THAP2: variants seen among roughly 807,000 people sequenced by gnomAD.
The protein encoded by THAP2 is THAP domain-containing protein 2.
Under a neutral mutation model 18.8 loss-of-function variants are expected in THAP2, and 16 were observed. The ratio of observed to expected loss-of-function variants is 0.85; its 90% CI spans 0.58 to 1.29. The LOEUF is 1.29. THAP2 is among the 50% of genes most tolerant of loss of function. The probability of loss-of-function intolerance (pLI) is 0.00; values close to 1 mark genes in which losing one functional copy is unlikely to be tolerated. For synonymous variants in THAP2, 80 were observed against 89.2 expected, an observed-to-expected ratio of 0.90 and a Z score of 0.58; for missense variants, 251 against 265.3, an observed-to-expected ratio of 0.95 and a Z score of 0.38.
intron 1 of THAP2, among the ~76,000 whole-genome samples, chr12:71,668,961 C>T (rs758168149): frequency 1.2e-4 from 18 of 152,326 alleles, no homozygotes; most frequent in Non-Finnish European, 2.4e-4. Context: ...ACATCCAAAA[C>T]ATGATCAAGG....
chr12:71,676,595 G>A, intron 2 of THAP2, 94 bp from the exon 3 acceptor site: 3 of 1,260,604 alleles, frequency 2.4e-6, no homozygotes, highest in Non-Finnish European at 3.2e-6. Context: ...TTTTAAAAGA[G>A]CAGTTTAAAT....
chr12:71,677,530 G>C lies in THAP2; in HGVS notation c.*422G>C, dbSNP rs542525342. 6.6e-6 allele frequency: 1 copy of C among 152,080 alleles called. No homozygotes were observed. The highest frequency in any genetic ancestry group is 2.4e-5 in the African/African-American group (1 of 41,394). 9.4% of individuals were successfully genotyped at this position (152,080 alleles called of 1,614,324 possible). A position where few individuals can be genotyped will look rare whatever the true frequency, so the allele number is the denominator to read the frequency against. On this transcript the variant is annotated 3_prime_UTR_variant, in exon 3 of 3. Transcript: ENST00000308086. The stretch of plus-strand genomic sequence containing the variant: ...CATGACCTTAAAACTGCTGGGTTTT[G>C]TATTAATTAAATTATAATTGGCACT...
At chr12:71,665,274 G>A (rs1881314450) in intron 1 of THAP2, 1 of 271,494 alleles carries the variant, frequency 3.7e-6, no homozygotes, top group African/African-American at 2.2e-5. Context: ...TGCCTGCCAC[G>A]TGCCCGAAGA....
chr12:71,665,320 G>C, intron 1 of THAP2: 1 of 203,700 alleles, frequency 4.9e-6, no homozygotes, highest in Admixed American at 5.3e-5. Flanking sequence ...CACCAGTCCT[G>C]ATTTTATATA....
At chr12:71,675,102 AG>A (rs1177784040) in intron 2 of THAP2, among the ~76,000 whole-genome samples, 7 of 152,284 alleles carry the variant, frequency 4.6e-5, no homozygotes, top group Non-Finnish European at 8.8e-5. Context: ...AGGAAAACCT[AG>A]CTGGGAAAGA....
intron 1 of THAP2, chr12:71,667,815 G>A (rs989265692): frequency 1.3e-5 from 2 of 152,156 alleles, no homozygotes; most frequent in African/African-American, 4.8e-5. Flanking sequence ...CTATCAATAT[G>A]ACATCACTGA....
Position 71,678,418 on chromosome 12 carries a change from G to C in THAP2, c.*1310G>C, listed in dbSNP as rs1446748952. ...ATGCTAATTATTTTATAAAATAAAA[G>C]TTCAGAACTATTCTTATCATTGCCA... On this transcript the variant is annotated 3_prime_UTR_variant, in exon 3 of 3. Coordinates refer to ENST00000308086, the MANE Select transcript of THAP2 (RefSeq NM_031435.4). 1 of 152,616 alleles carries C rather than the reference G, an allele frequency of 6.6e-6. No homozygotes were observed. Among genetic ancestry groups the C allele is most frequent in the Non-Finnish European group, 1.5e-5 (1 of 68,038 alleles). 9.5% of individuals were successfully genotyped at this position (152,616 alleles called of 1,614,324 possible).
At chr12:71,665,680 G>A (rs1881324305) in intron 1 of THAP2, 1 of 152,248 alleles carries the variant, frequency 6.6e-6, no homozygotes. Context: ...TTCAAAGGAT[G>A]TGACATTTCA....
At position 71,680,459 on chromosome 12, in the gene THAP2, G is replaced by T. The variant is rs1250218767; in HGVS notation, c.*3351G>T. The stretch of plus-strand genomic sequence containing the variant: ...CTCATTTCTCAATATTAGAATACGG[G>T]TAGATTTTAATTTTGCTATAATATA... On this transcript the variant is annotated 3_prime_UTR_variant, in exon 3 of 3. Transcript: ENST00000308086. 1 of 152,466 alleles carries T rather than the reference G, an allele frequency of 6.6e-6. No individual in the cohort carries two copies. The highest frequency in any genetic ancestry group is 1.5e-5 in the Non-Finnish European group (1 of 68,014). 9.4% of individuals were successfully genotyped at this position (152,466 alleles called of 1,614,324 possible).
rs541214414 is a variant in THAP2 at position 71,664,585 on chromosome 12, C to G, written c.71+5C>G. ...CATTAACATCAGCTTCCACAGGTAACCTGGGCAGGGAGTGGGGGTGACGGA... is the reference window on the plus strand; with the variant it reads ...CATTAACATCAGCTTCCACAGGTAAGCTGGGCAGGGAGTGGGGGTGACGGA... On this transcript the variant is annotated splice_donor_5th_base_variant and intron_variant, in intron 1 of 2. Coordinates refer to ENST00000308086, the MANE Select transcript of THAP2 (RefSeq NM_031435.4). The G allele has an allele frequency of 6.2e-7, 1 of 1,614,140 alleles. No homozygotes were observed. Among genetic ancestry groups the G allele is most frequent in the African/African-American group, 1.3e-5 (1 of 75,020 alleles).
chr12:71,676,531 C>G (rs1488575783), intron 2 of THAP2, among the ~76,000 whole-genome samples, 158 bp from the exon 3 acceptor site: 1 of 152,064 alleles, frequency 6.6e-6, no homozygotes, highest in Non-Finnish European at 1.5e-5. Context: ...AAAACTTAAT[C>G]TTGGATTACA....
rs747088671 is a variant in THAP2 at position 71,664,630 on chromosome 12, G to A, written c.71+50G>A. ...GACGGAAACTGGAGTTCCTATTGTG[G>A]CTATCGCTTGTGTGGAAGGAACAGG... On this transcript the variant is annotated intron_variant, in intron 1 of 2. Transcript: ENST00000308086. 4.1e-5 allele frequency: 65 copies of A among 1,601,204 alleles called. 1 individual carries two copies. In the East Asian group the frequency reaches 1.2e-3, roughly 31 times the overall value.
intron 1 of THAP2, among the ~76,000 whole-genome samples, chr12:71,666,771 G>A (rs1461867369): frequency 6.6e-6 from 1 of 151,566 alleles, no homozygotes; most frequent in Non-Finnish European, 1.5e-5. Context: ...GTCTCATTCT[G>A]TCACCCAGGC....
At position 71,676,681 on chromosome 12, in the gene THAP2, C is replaced by T. The variant is rs751367592; in HGVS notation, c.268-8C>T. The T allele has an allele frequency of 1.1e-5, 17 of 1,563,500 alleles. No individual in the cohort carries two copies. Among genetic ancestry groups the T allele is most frequent in the Middle Eastern group, 1.7e-4 (1 of 5,806 alleles). On this transcript the variant is annotated splice_polypyrimidine_tract_variant and splice_region_variant and intron_variant, in intron 2 of 2. Coordinates refer to ENST00000308086, the MANE Select transcript of THAP2 (RefSeq NM_031435.4). ...TTATGTTCAACCCTCTAATTTTATT[C>T]GGCTCAGAAACTCAAGTCAAGGAAT...
At chr12:71,670,768 G>A (rs1197081535) in intron 1 of THAP2, among the ~76,000 whole-genome samples, 1 of 151,594 alleles carries the variant, frequency 6.6e-6, no homozygotes, top group African/African-American at 2.4e-5. Flanking sequence ...GTGAAACCCC[G>A]TCTCTATTAA....
At chr12:71,668,922 TTGAA>T (rs1881388068) in intron 1 of THAP2, among the ~76,000 whole-genome samples, 2 of 152,204 alleles carry the variant, frequency 1.3e-5, no homozygotes, top group Non-Finnish European at 2.9e-5. Flanking sequence ...CTCCCACCCT[TTGAA>T]TGTGCTGAGA....
At position 71,664,429 on chromosome 12, in the gene THAP2, T is replaced by C. The variant is rs1168738914; in HGVS notation, c.-81T>C. 16 of 1,570,240 alleles carry C rather than the reference T, an allele frequency of 1.0e-5. No homozygotes were observed. The highest frequency in any genetic ancestry group is 1.1e-5 in the South Asian group (1 of 90,126). On this transcript the variant is annotated 5_prime_UTR_variant, in exon 1 of 3. Coordinates refer to ENST00000308086, the MANE Select transcript of THAP2 (RefSeq NM_031435.4). ...ACGATTAAGGCACGCCTGCCTCGAT[T>C]GTCCAGCCTCTGCCAGAAGAAAGCT...
chr12:71,670,840 G>A (rs1294364462), intron 1 of THAP2, among the ~76,000 whole-genome samples: 3 of 150,510 alleles, frequency 2.0e-5, no homozygotes, highest in Admixed American at 1.3e-4. Context: ...TCAGGAGGCC[G>A]AGGCAGGAGA....
rs1352168089 is a variant in THAP2 at position 71,677,019 on chromosome 12, T to A, written c.598T>A (p.Leu200Met). The part of the protein sequence containing the change: ...MLPTALSSLP[L>M]EDFKILEQDQ... The stretch of plus-strand genomic sequence containing the variant: ...ACCAACTGCCTTAAGCAGTCTTCCT[T>A]TGGAAGATTTTAAGATCCTTGAACA... The change falls in exon 3 of 3, where the codon TTG becomes ATG. Residue 200 changes from leucine (L) to methionine (M), a missense_variant. Leu to Met is a conservative substitution (Grantham distance 15). Transcript: ENST00000308086. The A allele has an allele frequency of 1.2e-6, 2 of 1,613,432 alleles. No individual in the cohort carries two copies. Among genetic ancestry groups the A allele is most frequent in the South Asian group, 2.2e-5 (2 of 91,024 alleles).
Sources: allele counts gnomAD v4.1 joint callset (sites outside exome capture counted in the v4.1 genomes callset), GRCh38; gene constraint gnomAD v4.1.1; transcripts MANE v1.5; gene names NCBI Gene and HGNC (gene_info 2026-07-23, HGNC 2026-07-21).